Variants in C17orf50 observed in about 807,000 individuals in gnomAD.
C17orf50 encodes the protein plakoglobin binding and degradation factor, also known as uncharacterized protein C17orf50.
Under a neutral mutation model 17.7 loss-of-function variants are expected in C17orf50, and 16 were observed. The observed-to-expected ratio is 0.90, with a 90% CI of 0.61 to 1.37. C17orf50 has a LOEUF of 1.37. Ranked by LOEUF, C17orf50 falls within the 40% of genes most tolerant of loss-of-function variation. The pLI, the probability that C17orf50 is intolerant of heterozygous loss-of-function variation, is 0.00. For synonymous variants in C17orf50, 125 were observed against 111.0 expected, an observed-to-expected ratio of 1.13 and a Z score of -0.80; for missense variants, 271 against 240.7, an observed-to-expected ratio of 1.13 and a Z score of -0.83.
rs1329025811 is a variant in C17orf50 at position 35,764,089 on chromosome 17, G to C, written c.96G>C (p.Ser32=). ...DAEQEEGKEG[S]EDEDEDNQRP... ...AGCAAGAGGAAGGGAAGGAGGGGTCGGAGGACGAGGACGAGGACAACCAGA... is the reference window on the plus strand; with the variant it reads ...AGCAAGAGGAAGGGAAGGAGGGGTCCGAGGACGAGGACGAGGACAACCAGA... The change falls in exon 2 of 3, where the codon TCG becomes TCC. Residue 32 remains serine, a synonymous_variant. Coordinates refer to ENST00000605587, the MANE Select transcript of C17orf50 (RefSeq NM_145272.4). The C allele has an allele frequency of 1.9e-6, 3 of 1,550,282 alleles. No individual in the cohort carries two copies. In the Admixed American group the frequency reaches 5.9e-5, roughly 30 times the overall value.
In C17orf50 at chr17:35,764,263, C is replaced by T. The variant is rs1555602204; in HGVS notation, c.270C>T (p.Ser90=). The T allele has an allele frequency of 1.3e-6, 2 of 1,538,802 alleles. No homozygotes were observed. Among genetic ancestry groups the T allele is most frequent in the Non-Finnish European group, 1.8e-6 (2 of 1,142,802 alleles). ...QQVALLRRAD[S]GFWGWLGPLA... ...TGGCGCTGCTGCGGCGCGCGGACAG[C>T]GGCTTCTGGGGCTGGCTCGGCCCCT... is the stretch of plus-strand genomic sequence containing the variant. Residue 90 remains serine (S), a synonymous_variant, in exon 2 of 3, where the codon AGC becomes AGT. Coordinates refer to ENST00000605587, the MANE Select transcript of C17orf50 (RefSeq NM_145272.4).
chr17:35,764,402 T>C, intron 2 of C17orf50, 24 bp from the exon 3 acceptor site: 1 of 1,510,282 alleles, frequency 6.6e-7, no homozygotes, highest in South Asian at 1.3e-5. Context: ...CCCCAGGCAC[T>C]GAGCGCCTGG....
In C17orf50 at chr17:35,764,599, G is replaced by C. The variant is rs782765582; in HGVS notation, c.506G>C (p.Gly169Ala). The part of the protein sequence containing the change: ...VLDHPDLGKA[G>A]AAGNS ...GATCACCCGGATCTGGGTAAGGCGG[G>C]GGCCGCTGGGAACTCCTGAGCGCCC... Residue 169 changes from glycine to alanine, a missense_variant, in exon 3 of 3, where the codon GGG (glycine) becomes GCG (alanine). Physicochemically the swap from Gly to Ala is moderately conservative, Grantham distance 60. Transcript: ENST00000605587. The C allele has an allele frequency of 6.3e-7, 1 of 1,586,676 alleles. No individual in the cohort carries two copies. The highest frequency in any genetic ancestry group is 2.4e-5 in the East Asian group (1 of 41,708).
At position 35,764,288 on chromosome 17, in the gene C17orf50, T is replaced by C; in HGVS notation, c.295T>C (p.Leu99=). The C allele has an allele frequency of 6.6e-7, 1 of 1,525,122 alleles. No homozygotes were observed. The highest frequency in any genetic ancestry group is 8.8e-7 in the Non-Finnish European group (1 of 1,138,082). The allele number at this position is 1,525,122 out of a possible 1,614,324, so 94.5% of individuals were successfully genotyped here. Residue 99 remains leucine (L), a synonymous_variant, in exon 2 of 3, where the codon TTA becomes CTA. Transcript: ENST00000605587. ...DSGFWGWLGP[L]ALLGGLTAPT... ...CGGCTTCTGGGGCTGGCTCGGCCCCTTAGCGCTGCTGGGCGGCCTAACAGC... is the reference window on the plus strand; with the variant it reads ...CGGCTTCTGGGGCTGGCTCGGCCCCCTAGCGCTGCTGGGCGGCCTAACAGC...
chr17:35,761,088 C>A, intron 1 of C17orf50, 134 bp downstream of exon 1: 4 of 868,264 alleles, frequency 4.6e-6, no homozygotes, highest in Non-Finnish European at 6.7e-6. Context: ...CCTCTCCTTT[C>A]GCCTTCCTGA....
Position 35,763,987 on chromosome 17 carries a change from G to C in C17orf50, c.14-20G>C. 1 of 1,525,512 alleles carries C rather than the reference G, an allele frequency of 6.6e-7. No individual in the cohort carries two copies. The highest frequency in any genetic ancestry group is 8.8e-7 in the Non-Finnish European group (1 of 1,131,612). 94.5% of individuals were successfully genotyped at this position (1,525,512 alleles called of 1,614,324 possible). A position where few individuals can be genotyped will look rare whatever the true frequency, so the allele number is the denominator to read the frequency against. On this transcript the variant is annotated intron_variant, in intron 1 of 2. Coordinates refer to ENST00000605587, the MANE Select transcript of C17orf50 (RefSeq NM_145272.4). ...TTCTCGGGGACAGCAGGACTGCCCT[G>C]ACCTCCTCCCGGCCCGCAGGTGTGA...
Position 35,764,441 on chromosome 17 carries a change from G to T in C17orf50, c.348G>T (p.Pro116=). The T allele has an allele frequency of 6.5e-7, 1 of 1,549,634 alleles. No homozygotes were observed. The highest frequency in any genetic ancestry group is 2.5e-5 in the East Asian group (1 of 40,202). The part of the protein sequence containing the change: ...TAPTDRKRSL[P]EEPCVLEIRR... ...CCGCCGGCAGGAAGCGGAGCCTCCC[G>T]GAGGAGCCGTGCGTGCTGGAGATCC... is the stretch of plus-strand genomic sequence containing the variant. Residue 116 remains proline (P), a synonymous_variant, in exon 3 of 3, where the codon CCG becomes CCT. Transcript: ENST00000605587.
intron 1 of C17orf50, among the ~76,000 whole-genome samples, chr17:35,763,501 G>T (rs1255684718): frequency 6.8e-6 from 1 of 146,872 alleles, no homozygotes; most frequent in Non-Finnish European, 1.5e-5. Flanking sequence ...GCCCACACTG[G>T]TCTCGAACTC....
chr17:35,763,882 G>C, intron 1 of C17orf50, 125 bp from the exon 2 acceptor site: 3 of 694,692 alleles, frequency 4.3e-6, no homozygotes, highest in Non-Finnish European at 5.7e-6. Context: ...GAGCTACAGA[G>C]AGAGACCCTG....
chr17:35,764,946 G>A lies in C17orf50; in HGVS notation c.*328G>A. ...CACACAGCCTCACCTTCACCTCTTG[G>A]GTATTTCAGATCCGCTCTGGCCCAG... On this transcript the variant is annotated 3_prime_UTR_variant, in exon 3 of 3. Coordinates refer to ENST00000605587, the MANE Select transcript of C17orf50 (RefSeq NM_145272.4). The A allele has an allele frequency of 5.6e-6, 1 of 179,956 alleles. No individual in the cohort carries two copies. The highest frequency in any genetic ancestry group is 1.2e-5 in the Non-Finnish European group (1 of 85,856). The allele number at this position is 179,956 out of a possible 1,614,324, so 11.1% of individuals were successfully genotyped here.
chr17:35,762,178 C>T (rs1018554335), intron 1 of C17orf50, among the ~76,000 whole-genome samples: 14 of 151,972 alleles, frequency 9.2e-5, no homozygotes, highest in South Asian at 2.1e-4. Flanking sequence ...TTAGTAGAGA[C>T]GGGGTTTCTC....
chr17:35,764,291 G>T lies in C17orf50; in HGVS notation c.298G>T (p.Ala100Ser), dbSNP rs1168720920. The stretch of plus-strand genomic sequence containing the variant: ...CTTCTGGGGCTGGCTCGGCCCCTTA[G>T]CGCTGCTGGGCGGCCTAACAGCTCC... ...SGFWGWLGPL[A>S]LLGGLTAPTD... is the part of the protein sequence containing the mutation. The change falls in exon 2 of 3, where the codon GCG (alanine) becomes TCG (serine). Residue 100 changes from alanine (A) to serine (S), a missense_variant. Transcript: ENST00000605587. The T allele has an allele frequency of 4.0e-6, 6 of 1,514,378 alleles. No individual in the cohort carries two copies. The highest frequency in any genetic ancestry group is 5.3e-6 in the Non-Finnish European group (6 of 1,133,934). The allele number at this position is 1,514,378 out of a possible 1,614,324, so 93.8% of individuals were successfully genotyped here.
chr17:35,763,241 C>G (rs887062358), intron 1 of C17orf50, among the ~76,000 whole-genome samples: 1 of 152,024 alleles, frequency 6.6e-6, no homozygotes, highest in Admixed American at 6.6e-5. Flanking sequence ...CAGAGACCAG[C>G]CTGGACAACA....
chr17:35,764,447 G>A lies in C17orf50; in HGVS notation c.354G>A (p.Glu118=). 6.4e-7 allele frequency: 1 copy of A among 1,553,320 alleles called. No homozygotes were observed. Among genetic ancestry groups the A allele is most frequent in the Admixed American group, 1.9e-5 (1 of 52,302 alleles). Residue 118 remains glutamate (E), a synonymous_variant, in exon 3 of 3, where the codon GAG becomes GAA. Coordinates refer to ENST00000605587, the MANE Select transcript of C17orf50 (RefSeq NM_145272.4). Reference sequence around the variant, plus strand: ...GCAGGAAGCGGAGCCTCCCGGAGGAGCCGTGCGTGCTGGAGATCCGGCGAC... The same window carrying A: ...GCAGGAAGCGGAGCCTCCCGGAGGAACCGTGCGTGCTGGAGATCCGGCGAC... ...PTDRKRSLPE[E]PCVLEIRRRP... is the part of the protein sequence containing the mutation.
At chr17:35,763,827 G>C (rs1394982401) in intron 1 of C17orf50, 180 bp from the exon 2 acceptor site, 4 of 398,148 alleles carry the variant, frequency 1.0e-5, no homozygotes, top group African/African-American at 4.2e-5. Context: ...AGCCCGTGAG[G>C]CGGAGGTTGC....
chr17:35,764,818 T>A lies in C17orf50; in HGVS notation c.*200T>A. ...CCCATCTGTCACCTAGCGCCCCCAG[T>A]GCAGAGCCCAGCATAACCTAGAGCC... On this transcript the variant is annotated 3_prime_UTR_variant, in exon 3 of 3. Coordinates refer to ENST00000605587, the MANE Select transcript of C17orf50 (RefSeq NM_145272.4). The A allele has an allele frequency of 1.8e-6, 1 of 558,980 alleles. No homozygotes were observed. Among genetic ancestry groups the A allele is most frequent in the Non-Finnish European group, 3.0e-6 (1 of 336,786 alleles). 34.6% of individuals were successfully genotyped at this position (558,980 alleles called of 1,614,324 possible).
At position 35,764,504 on chromosome 17, in the gene C17orf50, C is replaced by A. The variant is rs1568123451; in HGVS notation, c.411C>A (p.Cys137Ter). The A allele has an allele frequency of 1.9e-6, 3 of 1,589,524 alleles. No homozygotes were observed. The highest frequency in any genetic ancestry group is 2.3e-5 in the South Asian group (2 of 87,782). The change falls in exon 3 of 3, where the codon TGC (cysteine) becomes TGA (stop). Residue 137 changes from cysteine to a stop codon, truncating the protein, a stop_gained. Transcript: ENST00000605587. LOFTEE classifies it high-confidence loss of function. ...RPPRRGGCAC[C>*]ELLFCKKCRS... ...CGCGCCGCGGGGGCTGTGCTTGCTG[C>A]GAGCTCCTCTTCTGCAAGAAATGCA...
intron 1 of C17orf50, among the ~76,000 whole-genome samples, chr17:35,762,437 G>A (rs78474170): frequency 0.033 from 5,028 of 152,240 alleles, 292 homozygotes; most frequent in African/African-American, 0.11. Flanking sequence ...AATGGGCGGC[G>A]GACACCTTCT....
At chr17:35,763,865 C>G (rs2085873921) in intron 1 of C17orf50, 142 bp from the exon 2 acceptor site, 2 of 673,196 alleles carry the variant, frequency 3.0e-6, no homozygotes, top group Non-Finnish European at 2.0e-6. Context: ...CCACTGCACT[C>G]TAGCCTGAGC....
Sources: allele counts gnomAD v4.1 joint callset (sites outside exome capture counted in the v4.1 genomes callset), GRCh38; gene constraint gnomAD v4.1.1; transcripts MANE v1.5; gene names NCBI Gene and HGNC (gene_info 2026-07-23, HGNC 2026-07-21).